PACRG: variants seen among roughly 807,000 people sequenced by gnomAD.
The protein encoded by PACRG is parkin coregulated gene protein.
In PACRG, 29 loss-of-function variants were observed where a neutral mutation model predicts 29.7. The observed-to-expected ratio is 0.98, with a 90% CI of 0.73 to 1.33. The LOEUF (loss-of-function observed/expected upper bound fraction) is 1.33. Ranked by LOEUF, PACRG falls within the 40% of genes most tolerant of loss-of-function variation. PACRG has a pLI of 0.00. For missense variants in PACRG, 279 were observed against 316.2 expected (o/e 0.88, Z 0.89); for synonymous variants, 116 against 118.7 (o/e 0.98, Z 0.15).
intron 4 of PACRG, among the ~76,000 whole-genome samples, chr6:163,131,248 C>T (rs888351207): frequency 6.8e-6 from 1 of 147,202 alleles, no homozygotes; most frequent in Non-Finnish European, 1.5e-5. Flanking sequence ...GCGTAGCTTG[C>T]AGTGAGCCCA....
At chr6:163,101,271 G>C (rs1815070163) in intron 4 of PACRG, 5 of 982,550 alleles carry the variant, frequency 5.1e-6, no homozygotes, top group Non-Finnish European at 6.0e-6. Flanking sequence ...ATGTAATTGG[G>C]CCATAATGAC....
intron 4 of PACRG, among the ~76,000 whole-genome samples, chr6:163,173,930 CCCTGGAGCACG>C (rs1779217421): frequency 6.6e-6 from 1 of 152,220 alleles, no homozygotes; most frequent in Non-Finnish European, 1.5e-5. Flanking sequence ...CGTCATTGTT[CCCTGGAGCACG>C]TATCAGCTGC....
chr6:162,854,251 T>G (rs1791183209), intron 2 of PACRG, among the ~76,000 whole-genome samples: 1 of 151,986 alleles, frequency 6.6e-6, no homozygotes, highest in South Asian at 2.1e-4. Context: ...TAGTAAGCAT[T>G]CAGTAATGTT....
At chr6:163,064,567 A>G (rs1290847194) in intron 3 of PACRG, among the ~76,000 whole-genome samples, 1 of 152,220 alleles carries the variant, frequency 6.6e-6, no homozygotes, top group East Asian at 1.9e-4. Flanking sequence ...TTATGTCACT[A>G]AAAGCAGACT....
chr6:163,162,386 C>G (rs1478166056), intron 4 of PACRG, among the ~76,000 whole-genome samples: 1 of 152,198 alleles, frequency 6.6e-6, no homozygotes, highest in Non-Finnish European at 1.5e-5. Context: ...GTTCTGATGC[C>G]AATTTCTAAT....
chr6:163,043,393 C>G (rs1427985990), intron 2 of PACRG, among the ~76,000 whole-genome samples: 1 of 151,922 alleles, frequency 6.6e-6, no homozygotes, highest in Non-Finnish European at 1.5e-5. Flanking sequence ...CCATCTCTAC[C>G]AAAAATACAA....
At chr6:162,782,024 C>T (rs1377001262) in intron 1 of PACRG, among the ~76,000 whole-genome samples, 1 of 151,522 alleles carries the variant, frequency 6.6e-6, no homozygotes, top group Non-Finnish European at 1.5e-5. Flanking sequence ...TACAAGAAAC[C>T]CACATCAACT....
At chr6:162,876,723 A>G (rs895950328) in intron 2 of PACRG, among the ~76,000 whole-genome samples, 2 of 152,088 alleles carry the variant, frequency 1.3e-5, no homozygotes, top group South Asian at 4.1e-4. Flanking sequence ...ATTAAATCCC[A>G]TTTGTCAACT....
intron 2 of PACRG, among the ~76,000 whole-genome samples, chr6:162,817,579 T>A (rs1008006934): frequency 1.3e-5 from 2 of 152,218 alleles, no homozygotes; most frequent in African/African-American, 4.8e-5. Flanking sequence ...CACCGTCTAA[T>A]ATGGTACAAT....
chr6:163,019,416 G>C (rs1218344807), intron 2 of PACRG, among the ~76,000 whole-genome samples: 1 of 151,908 alleles, frequency 6.6e-6, no homozygotes, highest in Non-Finnish European at 1.5e-5. Flanking sequence ...TACTCCTCTG[G>C]ACCTGGGCAG....
At chr6:163,144,409 T>G (rs555092332) in intron 4 of PACRG, among the ~76,000 whole-genome samples, 2 of 152,042 alleles carry the variant, frequency 1.3e-5, no homozygotes, top group African/African-American at 4.8e-5. Flanking sequence ...TAATATGTAA[T>G]GTATATTACA....
intron 4 of PACRG, 38 bp downstream of exon 4, chr6:163,089,446 A>G (rs759388447): frequency 1.2e-5 from 20 of 1,603,896 alleles, no homozygotes; most frequent in Non-Finnish European, 1.7e-5. Context: ...TTTTAAGCCA[A>G]AGAAAAAGGG....
In PACRG at chr6:162,882,384, G is replaced by A. The variant is rs571989408; in HGVS notation, c.291+68103G>A. On this transcript the variant is annotated intron_variant, in intron 2 of 4. Transcript: ENST00000366888. ...ACCAATACCAGAGACCTGGGGCACC[G>A]TCCACCAAGATCAGTGACCCAAGGG... 3.6e-3 allele frequency among the ~76,000 whole-genome samples: 541 copies of A among 148,440 alleles called. 4 individuals are homozygous for A. Among genetic ancestry groups the A allele is most frequent in the African/African-American group, 0.012 (495 of 40,200 alleles).
At chr6:162,973,709 G>C (rs1801717478) in intron 2 of PACRG, among the ~76,000 whole-genome samples, 1 of 152,130 alleles carries the variant, frequency 6.6e-6, no homozygotes, top group Non-Finnish European at 1.5e-5. Context: ...AACTAAAAAA[G>C]TGCTAGAAAT....
chr6:163,089,084 A>T (rs9458721), intron 3 of PACRG, among the ~76,000 whole-genome samples, 175 bp from the exon 4 acceptor site: 4,996 of 152,274 alleles, frequency 0.033, 286 homozygotes, highest in African/African-American at 0.11. Flanking sequence ...ACAAGATTCC[A>T]TTTAAAACAT....
chr6:162,856,052 T>C (rs1320328508), intron 2 of PACRG, among the ~76,000 whole-genome samples: 22 of 152,018 alleles, frequency 1.4e-4, no homozygotes, highest in Admixed American at 1.4e-3. Flanking sequence ...GTTTTGTTGT[T>C]GTTGTTGTTA....
At chr6:163,242,552 A>G (rs1782544326) in intron 4 of PACRG, among the ~76,000 whole-genome samples, 1 of 152,242 alleles carries the variant, frequency 6.6e-6, no homozygotes, top group Non-Finnish European at 1.5e-5. Flanking sequence ...AGTGAGAGAC[A>G]GCATTTCTAG....
chr6:162,881,216 C>T (rs1793811306), intron 2 of PACRG, among the ~76,000 whole-genome samples: 1 of 152,158 alleles, frequency 6.6e-6, no homozygotes, highest in South Asian at 2.1e-4. Context: ...TGGCTGAGAG[C>T]CTTACTCCAG....
chr6:163,288,582 C>G (rs1284014473), intron 4 of PACRG, among the ~76,000 whole-genome samples: 2 of 152,208 alleles, frequency 1.3e-5, no homozygotes, highest in Non-Finnish European at 2.9e-5. Context: ...ACTAATAAAA[C>G]TAAAAATCCC....
Sources: allele counts gnomAD v4.1 joint callset (sites outside exome capture counted in the v4.1 genomes callset), GRCh38; gene constraint gnomAD v4.1.1; transcripts MANE v1.5; gene names NCBI Gene and HGNC (gene_info 2026-07-23, HGNC 2026-07-21).